RALGPS2: variants seen among roughly 807,000 people sequenced by gnomAD.
RALGPS2 encodes the protein Ral GEF with PH domain and SH3 binding motif 2.
Under a neutral mutation model 86.8 loss-of-function variants are expected in RALGPS2, and 43 were observed. The ratio of observed to expected loss-of-function variants is 0.50; its 90% confidence interval spans 0.39 to 0.64. RALGPS2 has a LOEUF of 0.64. Ranked by LOEUF, RALGPS2 falls within the 30% of genes least tolerant of loss-of-function variation. RALGPS2 has a pLI of 0.00. For synonymous variants in RALGPS2, 243 were observed against 231.3 expected (o/e 1.05, Z -0.46); for missense variants, 536 against 694.6 (o/e 0.77, Z 2.57).
intron 6 of RALGPS2, among the ~76,000 whole-genome samples, chr1:178,811,744 T>G (rs928974915): frequency 6.6e-6 from 1 of 152,188 alleles, no homozygotes; most frequent in African/African-American, 2.4e-5. Context: ...CCATAAAGAA[T>G]TAAGTAGGAG....
At chr1:178,771,282 A>G (rs560655335) in intron 1 of RALGPS2, among the ~76,000 whole-genome samples, 6 of 152,364 alleles carry the variant, frequency 3.9e-5, no homozygotes, top group Admixed American at 3.3e-4. Context: ...TTTAGTTGCC[A>G]TATCTCTTGA....
intron 8 of RALGPS2, among the ~76,000 whole-genome samples, chr1:178,876,154 T>G (rs1262590663): frequency 4.6e-5 from 7 of 152,182 alleles, no homozygotes; most frequent in Admixed American, 4.6e-4. Flanking sequence ...TTCTTTCTCT[T>G]GGAGTGCAAG....
intron 7 of RALGPS2, among the ~76,000 whole-genome samples, chr1:178,830,782 A>C (rs1388943598): frequency 6.6e-6 from 1 of 152,208 alleles, no homozygotes; most frequent in Non-Finnish European, 1.5e-5. Flanking sequence ...TCTGTTCATC[A>C]AAAGATACCT....
intron 10 of RALGPS2, among the ~76,000 whole-genome samples, chr1:178,881,981 A>G (rs1659275422): frequency 6.6e-6 from 1 of 152,204 alleles, no homozygotes; most frequent in Non-Finnish European, 1.5e-5. Flanking sequence ...TATAGATATT[A>G]CAAATTACAT....
In RALGPS2 at chr1:178,877,544, A is replaced by T; in HGVS notation, c.654A>T (p.Ser218=). ...DLTYIDSAYP[S]TGSILENEQR... is the part of the protein sequence containing the mutation. The stretch of plus-strand genomic sequence containing the variant: ...CATACATCGATTCAGCATACCCATC[A>T]ACTGGCAGCATTCTAGAAAATGAGC... The change falls in exon 9 of 20, where the codon TCA becomes TCT. Residue 218 remains serine (S), a synonymous_variant. Coordinates refer to ENST00000367635, the MANE Select transcript of RALGPS2 (RefSeq NM_152663.5). The T allele has an allele frequency of 6.2e-7, 1 of 1,613,594 alleles. No homozygotes were observed. Among genetic ancestry groups the T allele is most frequent in the East Asian group, 2.2e-5 (1 of 44,820 alleles).
intron 8 of RALGPS2, chr1:178,869,237 G>T (rs1240814814): frequency 1.3e-5 from 2 of 152,008 alleles, no homozygotes; most frequent in Admixed American, 6.6e-5. Flanking sequence ...GTAGAGAGAA[G>T]AAACGAAAGT....
chr1:178,881,003 C>T (rs1016408172), intron 10 of RALGPS2, among the ~76,000 whole-genome samples: 3 of 152,014 alleles, frequency 2.0e-5, no homozygotes, highest in Non-Finnish European at 4.4e-5. Flanking sequence ...CCAGAGCAGC[C>T]CTTCCATTAC....
chr1:178,748,591 G>A (rs1490954936), intron 1 of RALGPS2, among the ~76,000 whole-genome samples: 3 of 149,854 alleles, frequency 2.0e-5, no homozygotes, highest in Non-Finnish European at 3.0e-5. Context: ...GGTGGCTCAC[G>A]CCTGTAATCC....
chr1:178,837,537 C>T (rs531254263), intron 8 of RALGPS2, among the ~76,000 whole-genome samples: 3 of 152,238 alleles, frequency 2.0e-5, no homozygotes, highest in African/African-American at 7.2e-5. Flanking sequence ...AATTAGAAAA[C>T]AAAAGGCAGC....
chr1:178,904,184 A>T (rs1161149823), intron 18 of RALGPS2, among the ~76,000 whole-genome samples: 1 of 151,776 alleles, frequency 6.6e-6, no homozygotes, highest in South Asian at 2.1e-4. Context: ...TCCTTAGCCC[A>T]CTTTTCGATG....
chr1:178,810,001 T>A (rs1307499693), intron 5 of RALGPS2, among the ~76,000 whole-genome samples: 1 of 151,978 alleles, frequency 6.6e-6, no homozygotes, highest in Non-Finnish European at 1.5e-5. Context: ...TAGTTCCAGC[T>A]GCTGGGCGGC....
intron 8 of RALGPS2, among the ~76,000 whole-genome samples, chr1:178,834,679 G>A (rs1308461155): frequency 6.6e-6 from 1 of 152,216 alleles, no homozygotes; most frequent in Non-Finnish European, 1.5e-5. Context: ...ATCATAGTAA[G>A]CATGACTCTT....
At chr1:178,783,794 A>T (rs952624770) in intron 2 of RALGPS2, among the ~76,000 whole-genome samples, 11 of 152,178 alleles carry the variant, frequency 7.2e-5, no homozygotes, top group African/African-American at 2.4e-4. Flanking sequence ...GAAAATTTTT[A>T]ACAGTAATAA....
chr1:178,763,689 G>A (rs141084283), intron 1 of RALGPS2, among the ~76,000 whole-genome samples: 169 of 152,030 alleles, frequency 1.1e-3, no homozygotes, highest in African/African-American at 3.8e-3. Context: ...TTGTACCTTT[G>A]TACTTTCTTC....
At position 178,916,409 on chromosome 1, in the gene RALGPS2, G is replaced by C. The variant is rs745831382; in HGVS notation, c.*50G>C. The C allele has an allele frequency of 1.3e-6, 2 of 1,532,116 alleles. No homozygotes were observed. Among genetic ancestry groups the C allele is most frequent in the Admixed American group, 3.5e-5 (2 of 56,564 alleles). 94.9% of individuals were successfully genotyped at this position (1,532,116 alleles called of 1,614,324 possible). On this transcript the variant is annotated 3_prime_UTR_variant, in exon 20 of 20. Coordinates refer to ENST00000367635, the MANE Select transcript of RALGPS2 (RefSeq NM_152663.5). The stretch of plus-strand genomic sequence containing the variant: ...AACTGTTGCTTCTACGTGAGCATGA[G>C]GACCTGATAAAAGAGCGCCAGCTAT...
In RALGPS2 at chr1:178,882,114, A is replaced by G. The variant is rs553736448; in HGVS notation, c.837-1352A>G. Among the ~76,000 whole-genome samples the G allele has an allele frequency of 5.9e-5, 9 of 152,306 alleles. No individual in the cohort carries two copies. The South Asian group carries it at 1.7e-3, about 28-fold the overall frequency. On this transcript the variant is annotated intron_variant, in intron 10 of 19. Coordinates refer to ENST00000367635, the MANE Select transcript of RALGPS2 (RefSeq NM_152663.5). Reference sequence around the variant, plus strand: ...TTTGACGATGTTGTAAGCAGCTGGCACTCAGACTAGCCTTCACTGCTTTTT... The same window carrying G: ...TTTGACGATGTTGTAAGCAGCTGGCGCTCAGACTAGCCTTCACTGCTTTTT...
chr1:178,878,865 T>G, intron 9 of RALGPS2, 37 bp from the exon 10 acceptor site: 1 of 1,604,020 alleles, frequency 6.2e-7, no homozygotes, highest in Non-Finnish European at 8.5e-7. Flanking sequence ...GGTTAAGATG[T>G]ACTTTATCAG....
rs372420671 is a variant in RALGPS2 at position 178,921,688 on chromosome 1, T to C, written c.*5329T>C. On this transcript the variant is annotated 3_prime_UTR_variant, in exon 20 of 20. Coordinates refer to ENST00000367635, the MANE Select transcript of RALGPS2 (RefSeq NM_152663.5). ...TCGATTGCACTATGACCTCCTTGAG[T>C]GATGTGCAGCTTGGTTCCTCTCTCA... is the stretch of plus-strand genomic sequence containing the variant. 9.9e-5 allele frequency: 15 copies of C among 152,078 alleles called. No homozygotes were observed. The highest frequency in any genetic ancestry group is 3.6e-4 in the African/African-American group (15 of 41,446). The allele number at this position is 152,078 out of a possible 1,614,324, so 9.4% of individuals were successfully genotyped here. A position where few individuals can be genotyped will look rare whatever the true frequency, so the allele number is the denominator to read the frequency against.
intron 4 of RALGPS2, among the ~76,000 whole-genome samples, chr1:178,790,794 C>A (rs562488089): frequency 6.6e-6 from 1 of 152,276 alleles, no homozygotes; most frequent in African/African-American, 2.4e-5. Flanking sequence ...AAAACTCTTG[C>A]TACTGATAAG....
Sources: gnomAD v4.1 joint callset for allele counts (sites outside exome capture counted in the v4.1 genomes callset) on GRCh38, gnomAD v4.1.1 for gene constraint, MANE v1.5 for transcripts, NCBI Gene and HGNC (gene_info 2026-07-23, HGNC 2026-07-21) for gene names.